The following COLEC11 variants were observed in gnomAD, a reference collection of about 807,000 sequenced individuals.
COLEC11 encodes the protein collectin-11.
In COLEC11, 20 loss-of-function variants were observed where a neutral mutation model predicts 27.3. The observed-to-expected ratio is 0.73, with a 90% confidence interval of 0.51 to 1.06. The LOEUF is 1.06. COLEC11 is among the 50% of genes least tolerant of loss of function. The pLI is 0.00. For missense variants in COLEC11, 310 were observed against 383.0 expected, an observed-to-expected ratio of 0.81 and a Z score of 1.59; for synonymous variants, 163 against 154.7, an observed-to-expected ratio of 1.05 and a Z score of -0.40.
chr2:3,604,507 G>T, intron 2 of COLEC11, 37 bp downstream of exon 2: 1 of 1,611,174 alleles, frequency 6.2e-7, no homozygotes, highest in Non-Finnish European at 8.5e-7. Flanking sequence ...CTGGGCAGTG[G>T]CCTCCGGGCC....
chr2:3,599,364 C>A (rs749038243), intron 1 of COLEC11, among the ~76,000 whole-genome samples: 1 of 152,200 alleles, frequency 6.6e-6, no homozygotes, highest in Non-Finnish European at 1.5e-5. Context: ...TTTCCCTGTA[C>A]CCATTCTGCG....
chr2:3,644,409 G>T lies in COLEC11; in HGVS notation c.*291G>T. The T allele has an allele frequency of 1.6e-6, 1 of 606,638 alleles. No individual in the cohort carries two copies. The allele number at this position is 606,638 out of a possible 1,614,324, so 37.6% of individuals were successfully genotyped here. ...GCTCTTCCATAAAGCTTGTGCCTTT[G>T]TCCAAGCTATACAATAAAATCTTTA... On this transcript the variant is annotated 3_prime_UTR_variant, in exon 7 of 7. Coordinates refer to ENST00000349077, the MANE Select transcript of COLEC11 (RefSeq NM_024027.5).
chr2:3,624,647 C>T (rs551010140), intron 3 of COLEC11, among the ~76,000 whole-genome samples: 116 of 152,292 alleles, frequency 7.6e-4, no homozygotes, highest in African/African-American at 2.4e-3. Flanking sequence ...TTGTGGGAAA[C>T]GGTCACACGG....
intron 6 of COLEC11, 85 bp downstream of exon 6, chr2:3,643,624 C>CGCCTGCCCT (rs929660842): frequency 4.8e-5 from 77 of 1,598,122 alleles, no homozygotes; most frequent in East Asian, 3.6e-4. Flanking sequence ...GCCGTGCCCA[C>CGCCTGCCCT]GCCTGCCCTG....
intron 1 of COLEC11, among the ~76,000 whole-genome samples, chr2:3,599,756 A>G (rs1254829499): frequency 6.6e-6 from 1 of 152,204 alleles, no homozygotes; most frequent in Non-Finnish European, 1.5e-5. Context: ...GGAGGCAAGC[A>G]CTGGCCTACT....
intron 1 of COLEC11, chr2:3,603,679 C>T (rs1441637180): frequency 7.1e-6 from 11 of 1,550,984 alleles, no homozygotes; most frequent in Non-Finnish European, 9.6e-6. Context: ...CGTACCCGCC[C>T]CTCCTGGGAT....
intron 1 of COLEC11, chr2:3,603,605 C>T: frequency 1.9e-6 from 3 of 1,550,472 alleles, no homozygotes; most frequent in Non-Finnish European, 2.6e-6. Flanking sequence ...GTGTGAGCCA[C>T]TGCGCCTGGT....
At chr2:3,609,352 ATTTTTTTTTTTTTTTTTTT>A (rs567474674) in intron 2 of COLEC11, among the ~76,000 whole-genome samples, 2 of 87,510 alleles carry the variant, frequency 2.3e-5, no homozygotes, top group Non-Finnish European at 4.4e-5. Context: ...TTTTTCTTTG[ATTTTTTTTTTTTTTTTTTT>A]TTTTTTTTTT....
intron 1 of COLEC11, among the ~76,000 whole-genome samples, chr2:3,601,421 C>T (rs1353363810): frequency 6.6e-6 from 1 of 152,190 alleles, no homozygotes; most frequent in Non-Finnish European, 1.5e-5. Context: ...CCCACTTCAG[C>T]CTCTCCAGTA....
At chr2:3,643,566 C>T in intron 6 of COLEC11, 27 bp downstream of exon 6, 1 of 1,605,790 alleles carries the variant, frequency 6.2e-7, no homozygotes, top group African/African-American at 1.3e-5. Context: ...GCCGCCCTCG[C>T]TCCCTCCCAC....
At chr2:3,633,433 C>T (rs1665156518) in intron 3 of COLEC11, among the ~76,000 whole-genome samples, 1 of 152,258 alleles carries the variant, frequency 6.6e-6, no homozygotes, top group Non-Finnish European at 1.5e-5. Context: ...GGTCATCGCT[C>T]ACACTTGGCA....
At chr2:3,641,318 T>A (rs1191312478) in intron 5 of COLEC11, 1 of 1,303,390 alleles carries the variant, frequency 7.7e-7, no homozygotes, top group South Asian at 1.2e-5. Flanking sequence ...TGAGTGTGAG[T>A]GCGCTGAGAT....
At chr2:3,614,535 CTTTT>C (rs939239804) in intron 3 of COLEC11, among the ~76,000 whole-genome samples, 1 of 151,192 alleles carries the variant, frequency 6.6e-6, no homozygotes, top group African/African-American at 2.4e-5. Flanking sequence ...CTGGAACATT[CTTTT>C]TTTTTCTTTT....
At chr2:3,607,929 C>G (rs1016465567) in intron 2 of COLEC11, among the ~76,000 whole-genome samples, 6 of 152,238 alleles carry the variant, frequency 3.9e-5, no homozygotes, top group Non-Finnish European at 7.3e-5. Flanking sequence ...GCTTTCTCCT[C>G]TCTGACTTCC....
chr2:3,640,146 C>T (rs1020694759), intron 4 of COLEC11, 132 bp from the exon 5 acceptor site: 4 of 709,922 alleles, frequency 5.6e-6, no homozygotes, highest in Non-Finnish European at 1.0e-5. Flanking sequence ...GAATGGGGCT[C>T]CGGTACTTTG....
chr2:3,636,516 G>A (rs1174951967), intron 3 of COLEC11, among the ~76,000 whole-genome samples: 2 of 152,326 alleles, frequency 1.3e-5, no homozygotes, highest in East Asian at 1.9e-4. Flanking sequence ...TGAATTTCCC[G>A]CATTGAATTT....
At chr2:3,595,828 G>A (rs949239538) in intron 1 of COLEC11, among the ~76,000 whole-genome samples, 6 of 152,218 alleles carry the variant, frequency 3.9e-5, no homozygotes, top group Admixed American at 6.5e-5. Context: ...TAGAGCTGAG[G>A]TGATGTGGTC....
chr2:3,644,388 T>C lies in COLEC11; in HGVS notation c.*270T>C, dbSNP rs1306287145. The stretch of plus-strand genomic sequence containing the variant: ...ATGTAATTATTACCCAGAATTGCTC[T>C]TCCATAAAGCTTGTGCCTTTGTCCA... On this transcript the variant is annotated 3_prime_UTR_variant, in exon 7 of 7. Transcript: ENST00000349077. 1.6e-6 allele frequency: 1 copy of C among 639,462 alleles called. No individual in the cohort carries two copies. Among genetic ancestry groups the C allele is most frequent in the Admixed American group, 2.1e-5 (1 of 47,940 alleles). 39.6% of individuals were successfully genotyped at this position (639,462 alleles called of 1,614,324 possible).
chr2:3,619,770 C>A (rs1035502363), intron 3 of COLEC11, among the ~76,000 whole-genome samples: 1 of 152,146 alleles, frequency 6.6e-6, no homozygotes, highest in African/African-American at 2.4e-5. Context: ...GGATTACAGG[C>A]ACGCACCACC....
Sources: allele counts gnomAD v4.1 joint callset (sites outside exome capture counted in the v4.1 genomes callset), GRCh38; gene constraint gnomAD v4.1.1; transcripts MANE v1.5; gene names NCBI Gene and HGNC (gene_info 2026-07-23, HGNC 2026-07-21).